PLXNA2: variants seen among roughly 807,000 people sequenced by gnomAD.
The protein encoded by PLXNA2 is plexin A2.
PLXNA2 carries 91 observed loss-of-function variants against 193.5 expected under a neutral mutation model. The ratio of observed to expected loss-of-function variants is 0.47; its 90% CI spans 0.40 to 0.56. PLXNA2 has a LOEUF of 0.56. PLXNA2 is among the 20% of genes least tolerant of loss of function. The pLI is 0.00. For missense variants in PLXNA2, 1,995 were observed against 2,503.2 expected (o/e 0.80, Z 4.33); for synonymous variants, 997 against 1,027.3 (o/e 0.97, Z 0.56).
intron 3 of PLXNA2, among the ~76,000 whole-genome samples, chr1:208,151,794 C>T (rs1367868957): frequency 6.6e-6 from 1 of 152,226 alleles, no homozygotes; most frequent in African/African-American, 2.4e-5. Flanking sequence ...GAGTGAAACT[C>T]GAAGCTGAAT....
intron 9 of PLXNA2, among the ~76,000 whole-genome samples, chr1:208,092,150 A>C (rs1253040166): frequency 6.6e-6 from 1 of 152,240 alleles, no homozygotes; most frequent in Non-Finnish European, 1.5e-5. Flanking sequence ...CATTGAATGG[A>C]ATACCCATTA....
rs1011455680 is a variant in PLXNA2, at chr1:208,095,706, C to G, written c.1982+323G>C. On this transcript the variant is annotated intron_variant, in intron 8 of 31. Transcript: ENST00000367033. Reference sequence around the variant, plus strand: ...TGTCAGCCTCTACCTTCAAAGTCACCACCAAGTGATGGAAAATGAAGAACT... The same window carrying G: ...TGTCAGCCTCTACCTTCAAAGTCACGACCAAGTGATGGAAAATGAAGAACT... Among the ~76,000 whole-genome samples, 4 of 152,170 alleles carry G rather than the reference C, an allele frequency of 2.6e-5. No individual in the cohort carries two copies. The South Asian group carries it at 8.3e-4, about 32-fold the overall frequency.
chr1:208,165,744 T>C (rs1669282023), intron 3 of PLXNA2, among the ~76,000 whole-genome samples: 1 of 152,218 alleles, frequency 6.6e-6, no homozygotes, highest in Non-Finnish European at 1.5e-5. Context: ...GTGGCGTCCC[T>C]GCCTCACCTC....
chr1:208,171,130 T>C (rs1669483623), intron 3 of PLXNA2, among the ~76,000 whole-genome samples: 1 of 152,186 alleles, frequency 6.6e-6, no homozygotes, highest in Non-Finnish European at 1.5e-5. Flanking sequence ...TAAGCTTCCT[T>C]AGCATTTGAT....
chr1:208,030,439 A>G, intron 29 of PLXNA2: 1 of 985,464 alleles, frequency 1.0e-6, no homozygotes, highest in Non-Finnish European at 1.2e-6. Context: ...AGCAAAGGGG[A>G]CAGGCATGTG....
In PLXNA2 at chr1:208,221,349, G is replaced by C. The variant is rs532874959; in HGVS notation, c.-80-3347C>G. Among the ~76,000 whole-genome samples the C allele has an allele frequency of 8.0e-4, 120 of 150,112 alleles. 3 individuals carry two copies. The South Asian group carries it at 0.025, about 31-fold the overall frequency. On this transcript the variant is annotated intron_variant, in intron 1 of 31. Coordinates refer to ENST00000367033, the MANE Select transcript of PLXNA2 (RefSeq NM_025179.4). The stretch of plus-strand genomic sequence containing the variant: ...AGGTTTTTTGCTCCAACCTGGAGAG[G>C]CTGATTAGGTCAGGAGCTTTTTTCT...
chr1:208,078,969 G>A (rs1343383161), intron 12 of PLXNA2, among the ~76,000 whole-genome samples: 3 of 152,130 alleles, frequency 2.0e-5, no homozygotes, highest in African/African-American at 7.2e-5. Flanking sequence ...ACTTGGCTCA[G>A]CCAGCCTGGC....
chr1:208,041,371 C>T (rs542505161), intron 22 of PLXNA2, among the ~76,000 whole-genome samples: 1 of 152,224 alleles, frequency 6.6e-6, no homozygotes, highest in African/African-American at 2.4e-5. Context: ...AGGGTGGGCT[C>T]AGGGGATACT....
chr1:208,054,932 G>T (rs1665377766), intron 13 of PLXNA2, among the ~76,000 whole-genome samples: 1 of 152,190 alleles, frequency 6.6e-6, no homozygotes, highest in African/African-American at 2.4e-5. Context: ...TCTCTCCTAT[G>T]TAACAAGCAG....
chr1:208,231,151 C>T (rs1537694), intron 1 of PLXNA2, among the ~76,000 whole-genome samples: 45,299 of 151,744 alleles, frequency 0.3, 6,939 homozygotes, highest in East Asian at 0.41. Flanking sequence ...GAGTGACGGG[C>T]GCAGTTTTCT....
intron 5 of PLXNA2, 102 bp from the exon 6 acceptor site, chr1:208,099,071 T>G: frequency 7.1e-7 from 1 of 1,417,492 alleles, no homozygotes; most frequent in South Asian, 1.3e-5. Context: ...CTGAGGCCTG[T>G]GTCCTGTCTT....
chr1:208,217,980 C>A lies in PLXNA2; in HGVS notation c.-58G>T. On this transcript the variant is annotated 5_prime_UTR_variant, in exon 2 of 32. Coordinates refer to ENST00000367033, the MANE Select transcript of PLXNA2 (RefSeq NM_025179.4). The surrounding 1 kb of genome is among the most constrained non-coding windows in gnomAD (Gnocchi z 4.7). ...TGTGTGTGCTCATCTGCTCCACCTT[C>A]CCCGGTTGGCCCTCACATGATTCTG... The A allele has an allele frequency of 6.3e-7, 1 of 1,578,762 alleles. No individual in the cohort carries two copies. Among genetic ancestry groups the A allele is most frequent in the Non-Finnish European group, 8.6e-7 (1 of 1,169,310 alleles).
intron 3 of PLXNA2, among the ~76,000 whole-genome samples, chr1:208,165,979 A>G (rs902441435): frequency 6.6e-6 from 1 of 152,172 alleles, no homozygotes; most frequent in Non-Finnish European, 1.5e-5. Context: ...TCTTTCTTCC[A>G]TACCGATGAA....
intron 16 of PLXNA2, 47 bp downstream of exon 16, chr1:208,051,209 T>A: frequency 6.3e-7 from 1 of 1,594,696 alleles, no homozygotes; most frequent in South Asian, 1.1e-5. Flanking sequence ...GCTGCAGGGA[T>A]CATGCTGGGT....
At chr1:208,030,876 C>T in intron 29 of PLXNA2, 9 of 985,450 alleles carry the variant, frequency 9.1e-6, no homozygotes, top group Non-Finnish European at 1.1e-5. Flanking sequence ...GTCTGTGGTC[C>T]AGGTTCAAAA....
At chr1:208,123,848 C>T (rs1004207995) in intron 4 of PLXNA2, among the ~76,000 whole-genome samples, 1 of 152,178 alleles carries the variant, frequency 6.6e-6, no homozygotes, top group Non-Finnish European at 1.5e-5. Context: ...AGTCATTGGA[C>T]TTAGAAAACA....
chr1:208,171,782 C>G (rs1463134501), intron 3 of PLXNA2, among the ~76,000 whole-genome samples: 2 of 151,972 alleles, frequency 1.3e-5, no homozygotes, highest in East Asian at 1.9e-4. Flanking sequence ...CTTGAGCCCA[C>G]GAGATCCAGG....
chr1:208,103,121 C>T (rs1442271483), intron 5 of PLXNA2, 26 bp downstream of exon 5: 2 of 1,557,402 alleles, frequency 1.3e-6, no homozygotes, highest in Non-Finnish European at 1.8e-6. Flanking sequence ...CATGCCAAAC[C>T]CTTTTCCAGT....
At chr1:208,135,749 C>G (rs1265030050) in intron 4 of PLXNA2, among the ~76,000 whole-genome samples, 1 of 152,152 alleles carries the variant, frequency 6.6e-6, no homozygotes, top group Non-Finnish European at 1.5e-5. Flanking sequence ...TGGGTGCTCT[C>G]TACAGTCCTT....
Sources: allele counts gnomAD v4.1 joint callset (sites outside exome capture counted in the v4.1 genomes callset), GRCh38; gene constraint gnomAD v4.1.1; non-coding constraint Gnocchi (gnomAD v3.1); transcripts MANE v1.5; gene names NCBI Gene and HGNC (gene_info 2026-07-23, HGNC 2026-07-21).